POU6F1: variants seen among roughly 807,000 people sequenced by gnomAD.
POU6F1 encodes POU domain, class 6, transcription factor 1.
POU6F1 carries 9 observed loss-of-function variants against 28.9 expected under a neutral mutation model. The ratio of observed to expected loss-of-function variants is 0.31; its 90% CI spans 0.19 to 0.54. The LOEUF (loss-of-function observed/expected upper bound fraction) is 0.54, where lower values mean the gene tolerates loss of function less well. Among genes scored for constraint, POU6F1 ranks in the 20% least tolerant of loss-of-function variants. The probability of loss-of-function intolerance (pLI) is 0.94; values close to 1 mark genes in which losing one functional copy is unlikely to be tolerated. For missense variants in POU6F1, 338 were observed against 426.1 expected, an observed-to-expected ratio of 0.79 and a Z score of 1.82; for synonymous variants, 173 against 171.1, an observed-to-expected ratio of 1.01 and a Z score of -0.09.
chr12:51,196,659 G>A, intron 7 of POU6F1, 140 bp downstream of exon 7: 1 of 1,063,028 alleles, frequency 9.4e-7, no homozygotes, highest in East Asian at 2.5e-5. Flanking sequence ...AGCATCGGCA[G>A]AAAGCCGCCG....
At position 51,190,445 on chromosome 12, in the gene POU6F1, T is replaced by C. The variant is rs1462915441; in HGVS notation, c.1638A>G (p.Lys546=). 2 of 1,614,040 alleles carry C rather than the reference T, an allele frequency of 1.2e-6. No individual in the cohort carries two copies. Among genetic ancestry groups the C allele is most frequent in the African/African-American group, 1.3e-5 (1 of 74,990 alleles). ...CCTGGGGGGTGAAGGAGGTGCGGCG[T>C]TTGCGTTTCTTGGAGGGCTCGCCTC... is the stretch of plus-strand genomic sequence containing the variant. ...FVGGEPSKKR[K]RRTSFTPQAI... is the part of the protein sequence containing the mutation. The change falls in exon 11 of 11, where the codon AAA becomes AAG. Residue 546 remains lysine (K), a synonymous_variant. Transcript: ENST00000333640. The surrounding 1 kb of genome is among the most constrained non-coding windows in gnomAD (Gnocchi z 4.5).
intron 3 of POU6F1, chr12:51,201,781 CTG>C (rs925987766): frequency 6.6e-6 from 1 of 151,930 alleles, no homozygotes; most frequent in Non-Finnish European, 1.5e-5. Flanking sequence ...TCCTGCAAGA[CTG>C]TACAGAAAGA....
At chr12:51,211,012 G>A (rs1366011898) in intron 1 of POU6F1, among the ~76,000 whole-genome samples, 6 of 152,216 alleles carry the variant, frequency 3.9e-5, no homozygotes, top group Non-Finnish European at 8.8e-5. Flanking sequence ...CCATCTCCTT[G>A]TCAGGAACTT....
rs1012987541 is a variant in POU6F1, at chr12:51,187,507, A to C, written c.*2740T>G. On this transcript the variant is annotated 3_prime_UTR_variant, in exon 11 of 11. Coordinates refer to ENST00000333640, the MANE Select transcript of POU6F1 (RefSeq NM_001330422.2). ...CCAGCTGCTTCCTGGGGGGTCTTACACTGTGGGAGGAAGGGCAGAGGTCAC... is the reference window on the plus strand; with the variant it reads ...CCAGCTGCTTCCTGGGGGGTCTTACCCTGTGGGAGGAAGGGCAGAGGTCAC... 1 of 152,200 alleles carries C rather than the reference A, an allele frequency of 6.6e-6. No homozygotes were observed. The highest frequency in any genetic ancestry group is 2.4e-5 in the African/African-American group (1 of 41,438). The allele number at this position is 152,200 out of a possible 1,614,324, so 9.4% of individuals were successfully genotyped here. A position where few individuals can be genotyped will look rare whatever the true frequency, so the allele number is the denominator to read the frequency against.
Position 51,190,730 on chromosome 12 carries a change from A to G in POU6F1, c.1491-138T>C. On this transcript the variant is annotated intron_variant, in intron 10 of 10. Transcript: ENST00000333640. The surrounding 1 kb of genome is among the most constrained non-coding windows in gnomAD (Gnocchi z 4.5). ...TGAGACTGTACCCAGTGCTCCCCTC[A>G]CCACCTCCACCAAGACCCCTCTAGT... 7.6e-7 allele frequency: 1 copy of G among 1,312,260 alleles called. No individual in the cohort carries two copies. Among genetic ancestry groups the G allele is most frequent in the South Asian group, 1.5e-5 (1 of 66,816 alleles). The allele number at this position is 1,312,260 out of a possible 1,614,324, so 81.3% of individuals were successfully genotyped here.
rs1029933091 is a variant in POU6F1 at position 51,217,454 on chromosome 12, C to G, written c.-48+188G>C. On this transcript the variant is annotated intron_variant, in intron 1 of 10. Coordinates refer to ENST00000333640, the MANE Select transcript of POU6F1 (RefSeq NM_001330422.2). The surrounding 1 kb of genome is among the most constrained non-coding windows in gnomAD (Gnocchi z 5.3). ...CTGGGCAACCGCGCGCTGTCCCGCT[C>G]CCGCAGCTCCCCGCCGCCCCGGCCC... Among the ~76,000 whole-genome samples, 1 of 151,994 alleles carries G rather than the reference C, an allele frequency of 6.6e-6. No homozygotes were observed. Among genetic ancestry groups the G allele is most frequent in the Non-Finnish European group, 1.5e-5 (1 of 67,972 alleles).
intron 2 of POU6F1, among the ~76,000 whole-genome samples, chr12:51,205,485 C>T (rs553855488): frequency 6.6e-6 from 1 of 152,338 alleles, no homozygotes; most frequent in East Asian, 1.9e-4. Flanking sequence ...CCTCCCCTGC[C>T]CAGACGACAC....
At chr12:51,194,398 TGG>T (rs953370698) in intron 8 of POU6F1, among the ~76,000 whole-genome samples, 2 of 152,120 alleles carry the variant, frequency 1.3e-5, no homozygotes, top group African/African-American at 4.8e-5. Context: ...ACCAGCACTT[TGG>T]GAGGCTGAGG....
At chr12:51,204,770 A>C (rs933200793) in intron 2 of POU6F1, among the ~76,000 whole-genome samples, 1 of 152,116 alleles carries the variant, frequency 6.6e-6, no homozygotes, top group Non-Finnish European at 1.5e-5. Context: ...GGCTCCTAAC[A>C]TGGTATCCAC....
Position 51,190,236 on chromosome 12 carries a change from G to A in POU6F1, c.*11C>T. 6.2e-7 allele frequency: 1 copy of A among 1,613,190 alleles called. No homozygotes were observed. The highest frequency in any genetic ancestry group is 8.5e-7 in the Non-Finnish European group (1 of 1,179,472). On this transcript the variant is annotated 3_prime_UTR_variant, in exon 11 of 11. Transcript: ENST00000333640. The surrounding 1 kb of genome is among the most constrained non-coding windows in gnomAD (Gnocchi z 4.5). ...GACAAAGTGCTAGAACACAGGGCCAGGGGCTGAGCCCTAAGGGATCTGAAA... is the reference window on the plus strand; with the variant it reads ...GACAAAGTGCTAGAACACAGGGCCAAGGGCTGAGCCCTAAGGGATCTGAAA...
rs1207573269 is a variant in POU6F1 at position 51,199,903 on chromosome 12, G to A, written c.245-35C>T. On this transcript the variant is annotated intron_variant, in intron 3 of 10. Coordinates refer to ENST00000333640, the MANE Select transcript of POU6F1 (RefSeq NM_001330422.2). The surrounding 1 kb of genome is among the most constrained non-coding windows in gnomAD (Gnocchi z 4.1). ...GCATTGAGAGAAAGAAGGACAAGGAGTGAGCCTGACGTGAGTGGAGGGGTC... is the reference window on the plus strand; with the variant it reads ...GCATTGAGAGAAAGAAGGACAAGGAATGAGCCTGACGTGAGTGGAGGGGTC... 1 of 399,330 alleles carries A rather than the reference G, an allele frequency of 2.5e-6. No individual in the cohort carries two copies. Among genetic ancestry groups the A allele is most frequent in the Admixed American group, 4.4e-5 (1 of 22,726 alleles). The allele number at this position is 399,330 out of a possible 1,614,324, so 24.7% of individuals were successfully genotyped here.
In POU6F1 at chr12:51,188,483, C is replaced by T. The variant is rs115367412; in HGVS notation, c.*1764G>A. 334 of 152,396 alleles carry T rather than the reference C, an allele frequency of 2.2e-3. 1 individual carries two copies. The highest frequency in any genetic ancestry group is 0.01 in the Middle Eastern group (3 of 294). The allele number at this position is 152,396 out of a possible 1,614,324, so 9.4% of individuals were successfully genotyped here. ...CATGGTTTGTCCAAATGCAGCAGAG[C>T]GTGTATGTGTGTGTGTGTGCGCGCG... On this transcript the variant is annotated 3_prime_UTR_variant, in exon 11 of 11. Transcript: ENST00000333640.
chr12:51,188,503 C>CA lies in POU6F1; in HGVS notation c.*1743_*1744insT, dbSNP rs1942180491. The stretch of plus-strand genomic sequence containing the variant: ...CAGAGCGTGTATGTGTGTGTGTGTG[C>CA]GCGCGTCTGTGCGCGCTGCACGTGC... On this transcript the variant is annotated 3_prime_UTR_variant, in exon 11 of 11. Transcript: ENST00000333640. 1 of 152,090 alleles carries CA rather than the reference C, an allele frequency of 6.6e-6. No individual in the cohort carries two copies. The highest frequency in any genetic ancestry group is 1.5e-5 in the Non-Finnish European group (1 of 68,024). The allele number at this position is 152,090 out of a possible 1,614,324, so 9.4% of individuals were successfully genotyped here.
In POU6F1 at chr12:51,218,042, C is replaced by T. The variant is rs1944379312; in HGVS notation, c.-448G>A. 6.6e-6 allele frequency among the ~76,000 whole-genome samples: 1 copy of T among 150,446 alleles called. No individual in the cohort carries two copies. Among genetic ancestry groups the T allele is most frequent in the Non-Finnish European group, 1.5e-5 (1 of 67,518 alleles). ...GCTACTTGGATTTTTTTAGCTGCTG[C>T]GTCATGAGCATAATTTATGCAAAGA... On this transcript the variant is annotated 5_prime_UTR_variant, in exon 1 of 11. Transcript: ENST00000333640.
Position 51,190,733 on chromosome 12 carries a change from A to G in POU6F1, c.1491-141T>C, listed in dbSNP as rs559237491. On this transcript the variant is annotated intron_variant, in intron 10 of 10. Transcript: ENST00000333640. This position sits in a 1 kb window ranked among gnomAD's most constrained non-coding sequence, Gnocchi z 4.5. Reference sequence around the variant, plus strand: ...GACTGTACCCAGTGCTCCCCTCACCACCTCCACCAAGACCCCTCTAGTTTG... The same window carrying G: ...GACTGTACCCAGTGCTCCCCTCACCGCCTCCACCAAGACCCCTCTAGTTTG... 6 of 1,310,144 alleles carry G rather than the reference A, an allele frequency of 4.6e-6. No homozygotes were observed. In the East Asian group the frequency reaches 1.5e-4, roughly 32 times the overall value. The allele number at this position is 1,310,144 out of a possible 1,614,324, so 81.2% of individuals were successfully genotyped here. A position where few individuals can be genotyped will look rare whatever the true frequency, so the allele number is the denominator to read the frequency against.
At chr12:51,193,433 A>G (rs1942578744) in intron 8 of POU6F1, among the ~76,000 whole-genome samples, 1 of 152,152 alleles carries the variant, frequency 6.6e-6, no homozygotes, top group African/African-American at 2.4e-5. Flanking sequence ...AAAATTAGCC[A>G]GGCGTGGTGG....
intron 2 of POU6F1, 80 bp from the exon 3 acceptor site, chr12:51,204,448 G>A (rs1488058154): frequency 5.0e-6 from 2 of 398,150 alleles, no homozygotes; most frequent in Non-Finnish European, 8.8e-6. Context: ...ATGGTTTGGG[G>A]AGAGAGGGGA....
intron 2 of POU6F1, 128 bp from the exon 3 acceptor site, chr12:51,204,496 G>A (rs1299723539): frequency 5.0e-6 from 2 of 396,840 alleles, no homozygotes; most frequent in Non-Finnish European, 8.9e-6. Flanking sequence ...CCAGAGGGCT[G>A]TGTGCTCTGT....
chr12:51,192,948 C>A lies in POU6F1; in HGVS notation c.1180-477G>T, dbSNP rs1223194633. Among the ~76,000 whole-genome samples, 4 of 151,984 alleles carry A rather than the reference C, an allele frequency of 2.6e-5. No individual in the cohort carries two copies. In the East Asian group the frequency reaches 7.7e-4, roughly 29 times the overall value. On this transcript the variant is annotated intron_variant, in intron 8 of 10. Transcript: ENST00000333640. Reference sequence around the variant, plus strand: ...GACTAAGAAACACCTTATTAATACCCACCCAACAATAGTGACTGAATTATA... The same window carrying A: ...GACTAAGAAACACCTTATTAATACCAACCCAACAATAGTGACTGAATTATA...
Sources: allele counts gnomAD v4.1 joint callset (sites outside exome capture counted in the v4.1 genomes callset), GRCh38; gene constraint gnomAD v4.1.1; non-coding constraint Gnocchi (gnomAD v3.1); transcripts MANE v1.5; gene names NCBI Gene and HGNC (gene_info 2026-07-23, HGNC 2026-07-21).